The following ARHGAP18 variants were observed in gnomAD, a reference collection of about 807,000 sequenced individuals.
The protein encoded by ARHGAP18 is Rho GTPase activating protein 18, also known as rho GTPase-activating protein 18.
A neutral mutation model predicts 86.2 loss-of-function variants in ARHGAP18; 67 were observed. That is an observed-to-expected ratio of 0.78 (90% CI 0.64 to 0.95). The LOEUF (loss-of-function observed/expected upper bound fraction) is 0.95, where lower values mean the gene tolerates loss of function less well. Ranked by LOEUF, ARHGAP18 falls within the 40% of genes least tolerant of loss-of-function variation. The probability of loss-of-function intolerance (pLI) is 0.00; values close to 1 mark genes in which losing one functional copy is unlikely to be tolerated. For synonymous variants in ARHGAP18, 283 were observed against 280.4 expected (o/e 1.01, Z -0.09); for missense variants, 691 against 780.4 (o/e 0.89, Z 1.37).
intron 12 of ARHGAP18, among the ~76,000 whole-genome samples, chr6:129,585,284 AAAAT>A (rs1322903008): frequency 1.3e-5 from 2 of 151,984 alleles, no homozygotes; most frequent in Admixed American, 1.3e-4. Flanking sequence ...CTCCATCTCA[AAAAT>A]AAATAAATAA....
chr6:129,646,876 C>A (rs976295754), intron 1 of ARHGAP18, among the ~76,000 whole-genome samples: 17 of 152,134 alleles, frequency 1.1e-4, no homozygotes, highest in Non-Finnish European at 2.2e-4. Context: ...GTCTGGAGAG[C>A]CTCAGGTGTT....
intron 1 of ARHGAP18, among the ~76,000 whole-genome samples, chr6:129,688,708 C>G (rs534216381): frequency 6.6e-6 from 1 of 152,226 alleles, no homozygotes; most frequent in South Asian, 2.1e-4. Context: ...AGGAGAATCA[C>G]TTGAACCCAA....
chr6:129,656,050 C>T (rs1179823506), intron 1 of ARHGAP18, among the ~76,000 whole-genome samples: 1 of 152,194 alleles, frequency 6.6e-6, no homozygotes, highest in East Asian at 1.9e-4. Flanking sequence ...TGAGTTCTTG[C>T]TTGTTAATAA....
chr6:129,613,844 G>A (rs1789035099), intron 7 of ARHGAP18, among the ~76,000 whole-genome samples: 1 of 151,932 alleles, frequency 6.6e-6, no homozygotes, highest in Non-Finnish European at 1.5e-5. Context: ...TAATGATGCT[G>A]TTACTAATGT....
At chr6:129,673,866 C>T (rs1312359749) in intron 1 of ARHGAP18, among the ~76,000 whole-genome samples, 1 of 152,052 alleles carries the variant, frequency 6.6e-6, no homozygotes. Flanking sequence ...TATATTATCT[C>T]AAATCTTCTA....
rs1025875419 is a variant in ARHGAP18 at position 129,641,969 on chromosome 6, C to T, written c.163G>A (p.Val55Ile). 2.5e-6 allele frequency: 4 copies of T among 1,613,822 alleles called. No individual in the cohort carries two copies. Among genetic ancestry groups the T allele is most frequent in the South Asian group, 1.1e-5 (1 of 91,084 alleles). ...CGATCAAATGGAGGCTTCTCCATAACTTTGATGGTGGTGCTTTCCTGGTTC... is the reference window on the plus strand; with the variant it reads ...CGATCAAATGGAGGCTTCTCCATAATTTTGATGGTGGTGCTTTCCTGGTTC... Reference protein sequence around the residue: ...TMNQESTTIKVMEKPPFDRSI... With the variant: ...TMNQESTTIKIMEKPPFDRSI... Residue 55 changes from valine (V) to isoleucine (I), a missense_variant, in exon 2 of 15, where the codon GTT becomes ATT. Val to Ile is a conservative substitution (Grantham distance 29). Transcript: ENST00000368149.
intron 10 of ARHGAP18, among the ~76,000 whole-genome samples, chr6:129,603,999 T>C (rs1788801486): frequency 6.6e-6 from 1 of 152,230 alleles, no homozygotes; most frequent in African/African-American, 2.4e-5. Flanking sequence ...CCTGAAATTA[T>C]ATTGCATTGG....
At chr6:129,652,192 G>T (rs1685704843) in intron 1 of ARHGAP18, among the ~76,000 whole-genome samples, 2 of 152,196 alleles carry the variant, frequency 1.3e-5, no homozygotes, top group African/African-American at 2.4e-5. Flanking sequence ...AGTTCTCCAG[G>T]GTTTGCCTGA....
chr6:129,692,838 T>C (rs1219013123), intron 1 of ARHGAP18, among the ~76,000 whole-genome samples: 1 of 152,194 alleles, frequency 6.6e-6, no homozygotes, highest in Non-Finnish European at 1.5e-5. Context: ...AGTGAGTTGA[T>C]CACTTGGCTA....
At chr6:129,684,643 A>G (rs138848100) in intron 1 of ARHGAP18, among the ~76,000 whole-genome samples, 6 of 152,334 alleles carry the variant, frequency 3.9e-5, no homozygotes, top group Non-Finnish European at 5.9e-5. Flanking sequence ...TGCGGCACAC[A>G]GAGGGTCCTC....
chr6:129,663,721 A>G (rs1773992956), intron 1 of ARHGAP18, among the ~76,000 whole-genome samples: 1 of 152,134 alleles, frequency 6.6e-6, no homozygotes, highest in African/African-American at 2.4e-5. Flanking sequence ...AATTATTTTC[A>G]CTCTGTGAAC....
intron 5 of ARHGAP18, among the ~76,000 whole-genome samples, chr6:129,623,785 T>TA (rs1207934013): frequency 6.6e-6 from 1 of 152,136 alleles, no homozygotes; most frequent in Non-Finnish European, 1.5e-5. Flanking sequence ...CATATTTGCA[T>TA]AAAAAAATAC....
At chr6:129,621,244 T>C (rs1279690352) in intron 5 of ARHGAP18, among the ~76,000 whole-genome samples, 3 of 152,228 alleles carry the variant, frequency 2.0e-5, no homozygotes, top group Non-Finnish European at 1.5e-5. Context: ...GTCAGTCTCC[T>C]ACAGCAACTC....
rs188578729 is a variant in ARHGAP18, at chr6:129,683,847, C to T, written c.113+26177G>A. 2.9e-3 allele frequency among the ~76,000 whole-genome samples: 436 copies of T among 152,160 alleles called. 1 individual carries two copies. The Middle Eastern group carries it at 0.037, about 13-fold the overall frequency. On this transcript the variant is annotated intron_variant, in intron 1 of 14. Coordinates refer to ENST00000368149, the MANE Select transcript of ARHGAP18 (RefSeq NM_033515.3). ...TGATGTGGGCATACCTGGAAAGTAA[C>T]GTGGAGGTGTAACCACGGCGGGGGG...
At chr6:129,617,781 G>A (rs1789126577) in intron 6 of ARHGAP18, among the ~76,000 whole-genome samples, 1 of 152,116 alleles carries the variant, frequency 6.6e-6, no homozygotes, top group Admixed American at 6.5e-5. Flanking sequence ...AGGTCTTCTG[G>A]GGCCCAGCAT....
chr6:129,710,001 G>C, intron 1 of ARHGAP18, 23 bp downstream of exon 1: 2 of 1,593,606 alleles, frequency 1.3e-6, no homozygotes, highest in Non-Finnish European at 1.7e-6. Context: ...GTTTTGTTTT[G>C]TTTTCAGCTT....
intron 5 of ARHGAP18, among the ~76,000 whole-genome samples, chr6:129,626,105 C>CACACACACACACACACATAT (rs1425322925): frequency 8.0e-5 from 10 of 124,918 alleles, no homozygotes; most frequent in South Asian, 2.4e-4. Context: ...CACACACACA[C>CACACACACACACACACATAT]ATATATAGAA....
chr6:129,606,550 G>A (rs1444650043), intron 9 of ARHGAP18, among the ~76,000 whole-genome samples: 1 of 152,124 alleles, frequency 6.6e-6, no homozygotes, highest in Non-Finnish European at 1.5e-5. Flanking sequence ...AATACTCATG[G>A]ATATTTAGAA....
At position 129,609,442 on chromosome 6, in the gene ARHGAP18, T is replaced by C. The variant is rs375266386; in HGVS notation, c.1123-1390A>G. ...AGTAAAATCTGCATTATATTCACTATTCTGTACTGAAGTAAATGTATTTTT... is the reference window on the plus strand; with the variant it reads ...AGTAAAATCTGCATTATATTCACTACTCTGTACTGAAGTAAATGTATTTTT... On this transcript the variant is annotated intron_variant, in intron 8 of 14. Transcript: ENST00000368149. Among the ~76,000 whole-genome samples, 5 of 152,298 alleles carry C rather than the reference T, an allele frequency of 3.3e-5. No homozygotes were observed. The East Asian group carries it at 7.7e-4, about 23-fold the overall frequency.
Sources: gnomAD v4.1 joint callset for allele counts (sites outside exome capture counted in the v4.1 genomes callset) on GRCh38, gnomAD v4.1.1 for gene constraint, MANE v1.5 for transcripts, NCBI Gene and HGNC (gene_info 2026-07-23, HGNC 2026-07-21) for gene names.